NBEA: variants seen among roughly 807,000 people sequenced by gnomAD.
The protein encoded by NBEA is neurobeachin.
In NBEA, 44 loss-of-function variants were observed where a neutral mutation model predicts 343.4. The observed-to-expected ratio is 0.13, with a 90% CI of 0.10 to 0.16. NBEA has a LOEUF of 0.16. NBEA is among the 10% of genes least tolerant of loss of function. NBEA has a pLI of 1.00. For synonymous variants in NBEA, 1,175 were observed against 1,238.7 expected, an observed-to-expected ratio of 0.95 and a Z score of 1.08; for missense variants, 2,555 against 3,631.3, an observed-to-expected ratio of 0.70 and a Z score of 7.62.
rs139856553 is a variant in NBEA, at chr13:35,010,994, T to C, written c.295-29939T>C. Among the ~76,000 whole-genome samples the C allele has an allele frequency of 3.3e-3, 499 of 151,716 alleles. 3 individuals carry two copies. Among genetic ancestry groups the C allele is most frequent in the African/African-American group, 0.012 (481 of 41,360 alleles). ...AAGTTGGGATAGATTTTACTGTGTT[T>C]GCATGCTGAAGCGAATGATCTAGCA... On this transcript the variant is annotated intron_variant, in intron 1 of 58. Transcript: ENST00000379939.
At chr13:35,038,178 G>A (rs2062520011) in intron 1 of NBEA, among the ~76,000 whole-genome samples, 1 of 152,110 alleles carries the variant, frequency 6.6e-6, no homozygotes, top group Non-Finnish European at 1.5e-5. Flanking sequence ...TACTGCCAGA[G>A]TACCACCGAC....
intron 16 of NBEA, among the ~76,000 whole-genome samples, chr13:35,122,255 A>G (rs1359977540): frequency 6.6e-6 from 1 of 152,184 alleles, no homozygotes; most frequent in Non-Finnish European, 1.5e-5. Context: ...ATGCTGCTGT[A>G]AAGACACATG....
intron 35 of NBEA, among the ~76,000 whole-genome samples, chr13:35,304,136 T>C (rs2036728649): frequency 6.6e-6 from 1 of 152,112 alleles, no homozygotes; most frequent in Non-Finnish European, 1.5e-5. Context: ...TCAGAAAATG[T>C]TTAATATTCT....
At chr13:35,441,081 T>A (rs1416451179) in intron 39 of NBEA, among the ~76,000 whole-genome samples, 1 of 152,236 alleles carries the variant, frequency 6.6e-6, no homozygotes, top group African/African-American at 2.4e-5. Flanking sequence ...CATTTTTTAA[T>A]AATTAAAGAG....
At chr13:35,175,133 G>A (rs1244977769) in intron 27 of NBEA, among the ~76,000 whole-genome samples, 1 of 152,074 alleles carries the variant, frequency 6.6e-6, no homozygotes, top group Non-Finnish European at 1.5e-5. Context: ...GTAAAAAGAG[G>A]ACAACTCTAG....
chr13:35,489,224 G>A (rs889961326), intron 41 of NBEA, among the ~76,000 whole-genome samples: 33 of 151,904 alleles, frequency 2.2e-4, no homozygotes, highest in Admixed American at 1.9e-3. Context: ...AGTCCAGTGC[G>A]TTTACAACAG....
intron 49 of NBEA, among the ~76,000 whole-genome samples, chr13:35,643,843 C>T (rs1357836382): frequency 3.3e-5 from 5 of 152,086 alleles, no homozygotes; most frequent in Admixed American, 6.5e-5. Flanking sequence ...ATGAGTTCTG[C>T]GTGTCACCAG....
intron 10 of NBEA, among the ~76,000 whole-genome samples, chr13:35,087,465 C>A (rs2064834343): frequency 6.6e-6 from 1 of 151,792 alleles, no homozygotes; most frequent in Non-Finnish European, 1.5e-5. Flanking sequence ...GAAGCATGAG[C>A]CACTATTAAC....
chr13:35,336,404 T>A (rs1336478311), intron 36 of NBEA, among the ~76,000 whole-genome samples: 2 of 152,082 alleles, frequency 1.3e-5, no homozygotes, highest in Non-Finnish European at 2.9e-5. Flanking sequence ...GTCAAAGAGA[T>A]ATGCTTATAC....
Position 35,665,126 on chromosome 13 carries a change from C to A in NBEA, c.8404C>A (p.His2802Asn), listed in dbSNP as rs781322230. Reference sequence around the variant, plus strand: ...AAGAGCCGTCCTCACAGGCCATGACCATGAAGTTGTCTGTGTTTCTGTCTG... The same window carrying A: ...AAGAGCCGTCCTCACAGGCCATGACAATGAAGTTGTCTGTGTTTCTGTCTG... ...APRAVLTGHD[H>N]EVVCVSVCAE... Residue 2802 changes from histidine to asparagine, a missense_variant, in exon 56 of 59, where the codon CAT (histidine) becomes AAT (asparagine). By Grantham distance (68) the His-to-Asn change is moderately conservative. This residue lies in a region of NBEA where 186 missense variants were observed against 328.9 expected (regional missense o/e 0.57). Transcript: ENST00000379939. 6.3e-7 allele frequency: 1 copy of A among 1,588,016 alleles called. No homozygotes were observed. Among genetic ancestry groups the A allele is most frequent in the South Asian group, 1.1e-5 (1 of 86,962 alleles).
chr13:35,464,731 A>G (rs907736930), intron 40 of NBEA, among the ~76,000 whole-genome samples: 4 of 152,210 alleles, frequency 2.6e-5, no homozygotes, highest in African/African-American at 9.6e-5. Flanking sequence ...AAGAGAAATA[A>G]ATCACATAAA....
chr13:35,363,110 A>T (rs1345497348), intron 38 of NBEA, among the ~76,000 whole-genome samples: 1 of 151,908 alleles, frequency 6.6e-6, no homozygotes, highest in Non-Finnish European at 1.5e-5. Context: ...CGTTTATTTA[A>T]ATCCAGTTTA....
intron 34 of NBEA, among the ~76,000 whole-genome samples, chr13:35,234,710 G>T (rs1336875561): frequency 6.6e-6 from 1 of 152,052 alleles, no homozygotes; most frequent in Admixed American, 6.6e-5. Flanking sequence ...GTTTGAAAGG[G>T]TTATGTTCCC....
At chr13:35,613,409 C>A (rs1002818634) in intron 48 of NBEA, among the ~76,000 whole-genome samples, 5 of 151,790 alleles carry the variant, frequency 3.3e-5, no homozygotes, top group Non-Finnish European at 7.4e-5. Flanking sequence ...AATATCATTT[C>A]ATTGTTTATA....
At chr13:35,600,905 G>A (rs1381035351) in intron 47 of NBEA, among the ~76,000 whole-genome samples, 2 of 152,058 alleles carry the variant, frequency 1.3e-5, no homozygotes, top group East Asian at 3.9e-4. Context: ...AGCCGCGTAC[G>A]GTGGTTCATG....
chr13:35,161,637 A>G (rs770076831), intron 22 of NBEA, 113 bp from the exon 23 acceptor site: 16 of 939,898 alleles, frequency 1.7e-5, no homozygotes, highest in Admixed American at 2.8e-5. Flanking sequence ...TTAAACTGCT[A>G]AAGTCATATG....
At chr13:35,295,127 A>C (rs528966045) in intron 35 of NBEA, among the ~76,000 whole-genome samples, 30 of 148,154 alleles carry the variant, frequency 2.0e-4, no homozygotes, top group African/African-American at 7.1e-4. Flanking sequence ...TTAATATATA[A>C]ATATAATATT....
In NBEA at chr13:35,308,438, C is replaced by CTA. The variant is rs5802761; in HGVS notation, c.5839-1056_5839-1055dup. Reference sequence around the variant, plus strand: ...TTTCAATCCAAAACACTGCTATTTACTATATATATATATATATATATATAT... The same window carrying CTA: ...TTTCAATCCAAAACACTGCTATTTACTATATATATATATATATATATATATAT... On this transcript the variant is annotated intron_variant, in intron 35 of 58. Transcript: ENST00000379939. 9.5e-3 allele frequency among the ~76,000 whole-genome samples: 846 copies of CTA among 88,944 alleles called. 10 individuals are homozygous for CTA. Among genetic ancestry groups the CTA allele is most frequent in the African/African-American group, 0.032 (671 of 21,052 alleles). The allele number at this position is 88,944 out of a possible 152,430, so 58.4% of individuals were successfully genotyped here.
intron 41 of NBEA, chr13:35,476,657 T>C: frequency 1.8e-6 from 1 of 564,812 alleles, no homozygotes; most frequent in South Asian, 3.0e-5. Flanking sequence ...TGTGCGTGTG[T>C]ATATGTCAGA....
Sources: gnomAD v4.1 joint callset for allele counts (sites outside exome capture counted in the v4.1 genomes callset) on GRCh38, gnomAD v4.1.1 for gene constraint, gnomAD v4.1.1 regional missense constraint, MANE v1.5 for transcripts, NCBI Gene and HGNC (gene_info 2026-07-23, HGNC 2026-07-21) for gene names.